The following DOCK4 variants were observed in gnomAD, a reference collection of about 807,000 sequenced individuals.
The protein encoded by DOCK4 is dedicator of cytokinesis protein 4.
A neutral mutation model predicts 268.1 loss-of-function variants in DOCK4; 97 were observed. That is an observed-to-expected ratio of 0.36 (90% CI 0.31 to 0.43). The LOEUF is 0.43. Ranked by LOEUF, DOCK4 falls within the 20% of genes least tolerant of loss-of-function variation. The pLI is 1.00. For synonymous variants in DOCK4, 954 were observed against 887.2 expected, an observed-to-expected ratio of 1.08 and a Z score of -1.34; for missense variants, 2,145 against 2,455.7, an observed-to-expected ratio of 0.87 and a Z score of 2.67.
chr7:112,092,692 T>C (rs1049204899), intron 1 of DOCK4, among the ~76,000 whole-genome samples: 12 of 152,186 alleles, frequency 7.9e-5, no homozygotes, highest in Non-Finnish European at 7.3e-5. Context: ...CACAAAGAGA[T>C]TGTGATTTGC....
rs576002332 is a variant in DOCK4, at chr7:112,095,334, G to A, written c.38-91203C>T. On this transcript the variant is annotated intron_variant, in intron 1 of 52. Transcript: ENST00000428084. ...AGGGAAGAAGTTGGGGAGGGTAAGG[G>A]ATTTTAATTGCTATAAGAAATATTT... 2.0e-5 allele frequency among the ~76,000 whole-genome samples: 3 copies of A among 152,248 alleles called. No individual in the cohort carries two copies. The South Asian group carries it at 6.2e-4, about 32-fold the overall frequency.
Position 111,877,024 on chromosome 7 carries a change from C to T in DOCK4, c.1744+6G>A. On this transcript the variant is annotated splice_donor_region_variant and intron_variant, in intron 17 of 52. Coordinates refer to ENST00000428084, the MANE Select transcript of DOCK4 (RefSeq NM_001363540.2). Reference sequence around the variant, plus strand: ...TAGGGCTTTCAAATAAAACATTATACATTACCATTTTGTGTGAGTTTTGTG... The same window carrying T: ...TAGGGCTTTCAAATAAAACATTATATATTACCATTTTGTGTGAGTTTTGTG... The T allele has an allele frequency of 6.6e-7, 1 of 1,517,754 alleles. No individual in the cohort carries two copies. Among genetic ancestry groups the T allele is most frequent in the Non-Finnish European group, 8.8e-7 (1 of 1,131,718 alleles). 94.0% of individuals were successfully genotyped at this position (1,517,754 alleles called of 1,614,324 possible).
intron 24 of DOCK4, 61 bp downstream of exon 24, chr7:111,846,938 A>C: frequency 6.5e-7 from 1 of 1,545,550 alleles, no homozygotes; most frequent in Non-Finnish European, 8.8e-7. Context: ...GTAGACTATT[A>C]CAAGTTTATT....
At chr7:111,979,298 G>T (rs971262406) in intron 7 of DOCK4, among the ~76,000 whole-genome samples, 1 of 152,104 alleles carries the variant, frequency 6.6e-6, no homozygotes, top group Non-Finnish European at 1.5e-5. Context: ...AGGTACACTG[G>T]GAATCTCTTC....
intron 1 of DOCK4, among the ~76,000 whole-genome samples, chr7:112,053,447 C>T (rs1295813088): frequency 1.3e-5 from 2 of 152,118 alleles, no homozygotes; most frequent in Non-Finnish European, 2.9e-5. Context: ...TCACTTCTTC[C>T]CCACTTTGAT....
At chr7:112,000,641 AG>A in intron 2 of DOCK4, 107 bp from the exon 3 acceptor site, 1 of 790,834 alleles carries the variant, frequency 1.3e-6, no homozygotes, top group Non-Finnish European at 1.9e-6. Flanking sequence ...ATACATGAAA[AG>A]ATTCTATGGA....
At chr7:112,022,238 G>A (rs1802384935) in intron 1 of DOCK4, among the ~76,000 whole-genome samples, 1 of 152,190 alleles carries the variant, frequency 6.6e-6, no homozygotes, top group South Asian at 2.1e-4. Flanking sequence ...ACCACTCTAT[G>A]TACTGAGCCA....
In DOCK4 at chr7:111,784,070, T is replaced by G. The variant is rs777723917; in HGVS notation, c.3428+27A>C. 3.2e-6 allele frequency: 5 copies of G among 1,579,758 alleles called. No homozygotes were observed. The Admixed American group carries it at 8.9e-5, about 28-fold the overall frequency. The stretch of plus-strand genomic sequence containing the variant: ...AGCAACCACTGCAACATCTCACAAG[T>G]AGCACAATTTGCAAACAATGTCTTA... On this transcript the variant is annotated intron_variant, in intron 33 of 52. Transcript: ENST00000428084.
At chr7:111,987,901 T>A (rs1799176176) in intron 6 of DOCK4, among the ~76,000 whole-genome samples, 1 of 152,228 alleles carries the variant, frequency 6.6e-6, no homozygotes, top group Non-Finnish European at 1.5e-5. Flanking sequence ...AAAAGATGAA[T>A]GGCACATCCT....
intron 1 of DOCK4, among the ~76,000 whole-genome samples, chr7:112,026,835 C>G (rs576028766): frequency 2.0e-5 from 3 of 152,164 alleles, no homozygotes; most frequent in Admixed American, 1.3e-4. Context: ...ACTTCCATTC[C>G]CTTGCCTATT....
chr7:112,106,876 G>A (rs1429983844), intron 1 of DOCK4, among the ~76,000 whole-genome samples: 1 of 152,124 alleles, frequency 6.6e-6, no homozygotes, highest in Non-Finnish European at 1.5e-5. Context: ...ACTTAAGTCT[G>A]AAGGGGAAAA....
intron 1 of DOCK4, among the ~76,000 whole-genome samples, chr7:112,016,464 G>A (rs1337659652): frequency 6.6e-6 from 1 of 152,166 alleles, no homozygotes; most frequent in Non-Finnish European, 1.5e-5. Context: ...CCACTGTACA[G>A]TTACTATTTT....
At chr7:112,194,430 A>G (rs1218379058) in intron 1 of DOCK4, among the ~76,000 whole-genome samples, 1 of 152,230 alleles carries the variant, frequency 6.6e-6, no homozygotes, top group African/African-American at 2.4e-5. Flanking sequence ...AGCTATATGA[A>G]AACACATCTT....
chr7:111,851,335 C>G (rs955557043), intron 23 of DOCK4, among the ~76,000 whole-genome samples: 1 of 150,788 alleles, frequency 6.6e-6, no homozygotes, highest in Non-Finnish European at 1.5e-5. Context: ...GTCCCAGCTA[C>G]TAGGGAGGCT....
At chr7:112,127,886 G>C (rs1184189302) in intron 1 of DOCK4, among the ~76,000 whole-genome samples, 1 of 152,038 alleles carries the variant, frequency 6.6e-6, no homozygotes, top group Non-Finnish European at 1.5e-5. Context: ...AAAATTAGTC[G>C]GGCATGGTGG....
At chr7:112,058,855 G>A (rs1806093093) in intron 1 of DOCK4, among the ~76,000 whole-genome samples, 1 of 151,454 alleles carries the variant, frequency 6.6e-6, no homozygotes, top group Admixed American at 6.6e-5. Flanking sequence ...CCTGAAAACT[G>A]GTCTTTTGGG....
intron 1 of DOCK4, among the ~76,000 whole-genome samples, chr7:112,008,507 A>G (rs1259307453): frequency 6.6e-6 from 1 of 152,192 alleles, no homozygotes; most frequent in Admixed American, 6.5e-5. Flanking sequence ...TCTCAAACAC[A>G]ACTCCTAATT....
rs182516260 is a variant in DOCK4 at position 111,850,842 on chromosome 7, C to A, written c.2474-3716G>T. 3.2e-3 allele frequency among the ~76,000 whole-genome samples: 491 copies of A among 152,240 alleles called. 2 individuals are homozygous for A. Among genetic ancestry groups the A allele is most frequent in the African/African-American group, 0.011 (470 of 41,544 alleles). On this transcript the variant is annotated intron_variant, in intron 23 of 52. Coordinates refer to ENST00000428084, the MANE Select transcript of DOCK4 (RefSeq NM_001363540.2). The stretch of plus-strand genomic sequence containing the variant: ...TCCCTTTGCTGACTCCTTTTTCGGA[C>A]TCAGTCCACCTACACCGAAGTGATT...
chr7:111,953,201 C>A (rs916036758), intron 8 of DOCK4, among the ~76,000 whole-genome samples: 4 of 127,788 alleles, frequency 3.1e-5, no homozygotes, highest in African/African-American at 1.2e-4. Context: ...AGAATGAGAC[C>A]TTGTCTTAAA....
Sources: allele counts gnomAD v4.1 joint callset (sites outside exome capture counted in the v4.1 genomes callset), GRCh38; gene constraint gnomAD v4.1.1; transcripts MANE v1.5; gene names NCBI Gene and HGNC (gene_info 2026-07-23, HGNC 2026-07-21).